GALNTL6: variants seen among roughly 807,000 people sequenced by gnomAD.
GALNTL6 encodes the protein polypeptide N-acetylgalactosaminyltransferase-like 6.
In GALNTL6, 46 loss-of-function variants were observed where a neutral mutation model predicts 73.7. That is an observed-to-expected ratio of 0.62 (90% confidence interval 0.49 to 0.80). The LOEUF (loss-of-function observed/expected upper bound fraction) is 0.80, where lower values mean the gene tolerates loss of function less well. GALNTL6 is among the 30% of genes least tolerant of loss of function. The pLI is 0.00. For missense variants in GALNTL6, 604 were observed against 755.0 expected (o/e 0.80, Z 2.34); for synonymous variants, 259 against 263.7 (o/e 0.98, Z 0.17).
At chr4:172,321,108 C>T (rs1166523068) in intron 4 of GALNTL6, among the ~76,000 whole-genome samples, 2 of 152,140 alleles carry the variant, frequency 1.3e-5, no homozygotes, top group Admixed American at 6.5e-5. Flanking sequence ...ATCTCTTACT[C>T]TGCCAGATTT....
intron 7 of GALNTL6, among the ~76,000 whole-genome samples, chr4:172,825,827 A>G (rs1485950684): frequency 6.6e-6 from 1 of 152,190 alleles, no homozygotes; most frequent in African/African-American, 2.4e-5. Flanking sequence ...GGATCAGGCC[A>G]TATTTCCCTC....
intron 5 of GALNTL6, among the ~76,000 whole-genome samples, chr4:172,745,689 T>C (rs1255831020): frequency 6.6e-6 from 1 of 152,000 alleles, no homozygotes. Context: ...AAGAGATAGA[T>C]TCAAAATTAA....
chr4:172,976,437 A>G (rs1447345878), intron 10 of GALNTL6, among the ~76,000 whole-genome samples: 1 of 152,234 alleles, frequency 6.6e-6, no homozygotes, highest in Non-Finnish European at 1.5e-5. Flanking sequence ...TGAAATTCAC[A>G]TAAGTATATC....
intron 4 of GALNTL6, among the ~76,000 whole-genome samples, chr4:172,341,269 G>A (rs1370655989): frequency 3.9e-4 from 59 of 151,294 alleles, no homozygotes; most frequent in Non-Finnish European, 6.9e-4. Flanking sequence ...GGCTAAAACG[G>A]TGAAACCCCG....
intron 2 of GALNTL6, among the ~76,000 whole-genome samples, chr4:171,917,870 T>C (rs1193535288): frequency 6.6e-6 from 1 of 152,222 alleles, no homozygotes; most frequent in South Asian, 2.1e-4. Context: ...ATACTCATAA[T>C]AGAGACACAC....
chr4:172,506,355 C>T lies in GALNTL6; in HGVS notation c.553+157666C>T, dbSNP rs141601196. Reference sequence around the variant, plus strand: ...CACCCTCCATGATCCTCATAAAAACCGACTCAAACTCATTGGAGAGATGGA... The same window carrying T: ...CACCCTCCATGATCCTCATAAAAACTGACTCAAACTCATTGGAGAGATGGA... On this transcript the variant is annotated intron_variant, in intron 5 of 12. Coordinates refer to ENST00000506823, the MANE Select transcript of GALNTL6 (RefSeq NM_001034845.3). 2.6e-4 allele frequency among the ~76,000 whole-genome samples: 14 copies of T among 53,792 alleles called. 7 individuals are homozygous for T. The East Asian group carries it at 0.19, about 727-fold the overall frequency. 35.3% of individuals were successfully genotyped at this position (53,792 alleles called of 152,430 possible).
At chr4:172,435,809 A>G (rs1332284619) in intron 5 of GALNTL6, among the ~76,000 whole-genome samples, 1 of 152,154 alleles carries the variant, frequency 6.6e-6, no homozygotes, top group Non-Finnish European at 1.5e-5. Context: ...TCTTTAAAAG[A>G]AGTTAGAAAT....
chr4:172,914,376 A>C (rs965478413), intron 8 of GALNTL6, among the ~76,000 whole-genome samples: 1 of 152,380 alleles, frequency 6.6e-6, no homozygotes, highest in East Asian at 1.9e-4. Flanking sequence ...TCATAATGAC[A>C]GGATCAAATT....
At chr4:172,217,415 T>C (rs1736529633) in intron 2 of GALNTL6, among the ~76,000 whole-genome samples, 1 of 152,158 alleles carries the variant, frequency 6.6e-6, no homozygotes, top group African/African-American at 2.4e-5. Flanking sequence ...ACCCCTTAGA[T>C]AGGAATTTGG....
intron 5 of GALNTL6, among the ~76,000 whole-genome samples, chr4:172,661,095 G>C (rs899795235): frequency 1.3e-5 from 2 of 152,200 alleles, no homozygotes; most frequent in Non-Finnish European, 1.5e-5. Context: ...GGATGTTTCT[G>C]TGGTGGGGTT....
chr4:172,780,812 G>A (rs557933580), intron 5 of GALNTL6, among the ~76,000 whole-genome samples: 2 of 152,260 alleles, frequency 1.3e-5, no homozygotes, highest in East Asian at 3.9e-4. Flanking sequence ...AGGCCCATTT[G>A]GTCTGTTTGC....
chr4:172,748,774 C>T (rs1737256095), intron 5 of GALNTL6, among the ~76,000 whole-genome samples: 1 of 152,162 alleles, frequency 6.6e-6, no homozygotes, highest in Admixed American at 6.5e-5. Context: ...GTTCTCACCA[C>T]AAAGAAATGG....
intron 10 of GALNTL6, among the ~76,000 whole-genome samples, chr4:172,952,595 A>G (rs555102863): frequency 2.0e-5 from 3 of 151,442 alleles, no homozygotes; most frequent in Non-Finnish European, 2.9e-5. Context: ...GGCTCACTGC[A>G]ACCTCCACTT....
intron 5 of GALNTL6, among the ~76,000 whole-genome samples, chr4:172,425,649 G>C (rs1306091221): frequency 6.6e-6 from 1 of 152,026 alleles, no homozygotes; most frequent in African/African-American, 2.4e-5. Context: ...AATCCTAGAA[G>C]TTTGTGGAAT....
chr4:173,030,994 A>C (rs1380337372), intron 12 of GALNTL6, among the ~76,000 whole-genome samples: 1 of 149,846 alleles, frequency 6.7e-6, no homozygotes, highest in Non-Finnish European at 1.5e-5. Context: ...ACCCAGCAAG[A>C]TCCTGTCTCA....
chr4:172,338,053 C>T (rs533316991), intron 4 of GALNTL6, among the ~76,000 whole-genome samples: 16 of 152,112 alleles, frequency 1.1e-4, no homozygotes, highest in East Asian at 1.9e-4. Flanking sequence ...TACTGTTTGG[C>T]GTAGGCTACT....
intron 2 of GALNTL6, among the ~76,000 whole-genome samples, chr4:172,220,186 G>A (rs1213636597): frequency 6.6e-6 from 1 of 151,612 alleles, no homozygotes; most frequent in Admixed American, 6.6e-5. Flanking sequence ...TAGTACACCT[G>A]TAGAATGTAA....
chr4:172,381,975 TTTTG>T (rs1342385081), intron 5 of GALNTL6, among the ~76,000 whole-genome samples: 9 of 152,198 alleles, frequency 5.9e-5, no homozygotes, highest in African/African-American at 1.9e-4. Context: ...ACACTGGATA[TTTTG>T]TTTGTTTGAG....
At chr4:172,217,228 A>G (rs1226001750) in intron 2 of GALNTL6, among the ~76,000 whole-genome samples, 1 of 152,174 alleles carries the variant, frequency 6.6e-6, no homozygotes, top group African/African-American at 2.4e-5. Context: ...TACAGATGCA[A>G]ATTTTCCCCC....
Sources: allele counts gnomAD v4.1 joint callset (sites outside exome capture counted in the v4.1 genomes callset), GRCh38; gene constraint gnomAD v4.1.1; transcripts MANE v1.5; gene names NCBI Gene and HGNC (gene_info 2026-07-23, HGNC 2026-07-21).